Variants in MAD1L1 observed in about 807,000 individuals in gnomAD.
MAD1L1 encodes mitotic spindle assembly checkpoint protein MAD1.
MAD1L1 carries 95 observed loss-of-function variants against 96.9 expected under a neutral mutation model. The observed-to-expected ratio is 0.98, with a 90% CI of 0.83 to 1.16. MAD1L1 has a LOEUF of 1.16. Ranked by LOEUF, MAD1L1 falls within the 50% of genes most tolerant of loss-of-function variation. MAD1L1 has a pLI of 0.00. For missense variants in MAD1L1, 1,007 were observed against 954.4 expected, an observed-to-expected ratio of 1.06 and a Z score of -0.73; for synonymous variants, 473 against 396.6, an observed-to-expected ratio of 1.19 and a Z score of -2.29.
At chr7:1,838,233 G>A (rs963684865) in intron 18 of MAD1L1, among the ~76,000 whole-genome samples, 4 of 152,226 alleles carry the variant, frequency 2.6e-5, no homozygotes, top group Admixed American at 6.5e-5. Flanking sequence ...ACAGTGGCGC[G>A]TGCTGGGGAG....
intron 13 of MAD1L1, among the ~76,000 whole-genome samples, chr7:2,011,926 G>A (rs1472833237): frequency 6.6e-6 from 1 of 152,148 alleles, no homozygotes; most frequent in Non-Finnish European, 1.5e-5. Flanking sequence ...GAGGGCTCAG[G>A]GAGGACCAGC....
intron 12 of MAD1L1, among the ~76,000 whole-genome samples, chr7:2,020,466 G>A (rs1189601958): frequency 1.3e-5 from 2 of 152,250 alleles, no homozygotes; most frequent in Non-Finnish European, 2.9e-5. Context: ...GCACACGGCA[G>A]CTGTGAGACC....
chr7:1,996,993 C>A (rs527311672), intron 14 of MAD1L1, among the ~76,000 whole-genome samples: 1 of 152,190 alleles, frequency 6.6e-6, no homozygotes. Context: ...CCAGCCACTG[C>A]GGGCCTAGCT....
chr7:1,886,134 G>A (rs1207681459), intron 18 of MAD1L1, among the ~76,000 whole-genome samples: 1 of 152,214 alleles, frequency 6.6e-6, no homozygotes, highest in Non-Finnish European at 1.5e-5. Context: ...AGCACTGTGA[G>A]GGCCAGGTTC....
intron 17 of MAD1L1, among the ~76,000 whole-genome samples, chr7:1,915,359 G>C (rs936699976): frequency 6.6e-6 from 1 of 152,204 alleles, no homozygotes; most frequent in Admixed American, 6.5e-5. Context: ...CGTCCTGGCA[G>C]CACCTGGCTG....
At chr7:1,939,164 C>A (rs1289122337) in intron 16 of MAD1L1, among the ~76,000 whole-genome samples, 4 of 140,922 alleles carry the variant, frequency 2.8e-5, no homozygotes, top group Non-Finnish European at 4.6e-5. Flanking sequence ...CGCACACACA[C>A]ATACGGGCCA....
intron 18 of MAD1L1, among the ~76,000 whole-genome samples, chr7:1,893,072 A>G (rs1315512798): frequency 6.6e-6 from 1 of 152,178 alleles, no homozygotes; most frequent in African/African-American, 2.4e-5. Context: ...CAGGCAGAGT[A>G]TGGCCTTCCC....
intron 18 of MAD1L1, among the ~76,000 whole-genome samples, chr7:1,819,454 G>A (rs925086344): frequency 6.6e-6 from 1 of 152,140 alleles, no homozygotes; most frequent in African/African-American, 2.4e-5. Context: ...CCAGACCCTC[G>A]CTGGCCTGGC....
At chr7:1,948,742 C>T (rs1039737524) in intron 16 of MAD1L1, among the ~76,000 whole-genome samples, 3 of 152,134 alleles carry the variant, frequency 2.0e-5, no homozygotes, top group African/African-American at 2.4e-5. Flanking sequence ...CACTGGTCAG[C>T]GGGGCGGGGA....
chr7:2,144,351 T>C (rs1789189051), intron 11 of MAD1L1, among the ~76,000 whole-genome samples: 1 of 152,198 alleles, frequency 6.6e-6, no homozygotes. Context: ...TTACAGATGA[T>C]ACACCTGAAC....
At chr7:1,839,361 G>A (rs1783115756) in intron 18 of MAD1L1, among the ~76,000 whole-genome samples, 1 of 151,550 alleles carries the variant, frequency 6.6e-6, no homozygotes, top group Non-Finnish European at 1.5e-5. Flanking sequence ...TGGCAGGAAA[G>A]CGTCCTGCCC....
intron 17 of MAD1L1, among the ~76,000 whole-genome samples, chr7:1,902,013 G>C (rs1163386485): frequency 6.6e-6 from 1 of 152,210 alleles, no homozygotes; most frequent in Non-Finnish European, 1.5e-5. Context: ...CTCGGTGAGG[G>C]GCAAGAGAGG....
At chr7:2,163,310 C>T (rs965953073) in intron 10 of MAD1L1, among the ~76,000 whole-genome samples, 4 of 152,186 alleles carry the variant, frequency 2.6e-5, no homozygotes, top group Non-Finnish European at 5.9e-5. Context: ...TAGGGAAGGT[C>T]CACATGTTTT....
In MAD1L1 at chr7:1,946,700, G is replaced by A. The variant is rs553475116; in HGVS notation, c.1597-9803C>T. ...GCTGGGACGGGCAGGGCAGGTCCCC[G>A]GCCACTTGCAGGCCTACTGTCTGTC... On this transcript the variant is annotated intron_variant, in intron 16 of 18. Transcript: ENST00000265854. Among the ~76,000 whole-genome samples the A allele has an allele frequency of 3.2e-4, 49 of 152,342 alleles. No individual in the cohort carries two copies. The South Asian group carries it at 7.3e-3, about 23-fold the overall frequency.
At chr7:2,086,775 G>T (rs1057144346) in intron 11 of MAD1L1, among the ~76,000 whole-genome samples, 3 of 152,084 alleles carry the variant, frequency 2.0e-5, no homozygotes, top group Non-Finnish European at 4.4e-5. Context: ...GGCTGGTCTC[G>T]AACTCTTGAC....
chr7:2,071,912 G>A (rs892804758), intron 11 of MAD1L1, among the ~76,000 whole-genome samples: 12 of 152,268 alleles, frequency 7.9e-5, no homozygotes, highest in Admixed American at 2.0e-4. Flanking sequence ...GGGTGGGGAG[G>A]GCACGGACGC....
intron 10 of MAD1L1, among the ~76,000 whole-genome samples, chr7:2,176,756 G>C (rs1488372476): frequency 2.6e-5 from 4 of 152,228 alleles, no homozygotes; most frequent in South Asian, 2.1e-4. Context: ...ACAGGACACT[G>C]TCAACATAGT....
intron 15 of MAD1L1, among the ~76,000 whole-genome samples, chr7:1,979,788 C>A (rs1422717866): frequency 1.3e-5 from 2 of 152,186 alleles, no homozygotes; most frequent in East Asian, 3.9e-4. Flanking sequence ...CTGCTCTGAG[C>A]CACACTCCCG....
intron 18 of MAD1L1, among the ~76,000 whole-genome samples, chr7:1,858,932 T>A (rs746161195): frequency 6.6e-6 from 1 of 152,214 alleles, no homozygotes; most frequent in Non-Finnish European, 1.5e-5. Context: ...GCAACCCACC[T>A]GGACCACCAC....
Sources: gnomAD v4.1 joint callset for allele counts (sites outside exome capture counted in the v4.1 genomes callset) on GRCh38, gnomAD v4.1.1 for gene constraint, MANE v1.5 for transcripts, NCBI Gene and HGNC (gene_info 2026-07-23, HGNC 2026-07-21) for gene names.